The following IQSEC1 variants were observed in gnomAD, a reference collection of about 807,000 sequenced individuals.
The protein encoded by IQSEC1 is IQ motif and Sec7 domain ArfGEF 1.
Under a neutral mutation model 91.0 loss-of-function variants are expected in IQSEC1, and 31 were observed. The ratio of observed to expected loss-of-function variants is 0.34; its 90% CI spans 0.26 to 0.46. IQSEC1 has a LOEUF of 0.46. Ranked by LOEUF, IQSEC1 falls within the 20% of genes least tolerant of loss-of-function variation. IQSEC1 has a pLI of 1.00. For synonymous variants in IQSEC1, 699 were observed against 662.6 expected (o/e 1.05, Z -0.84); for missense variants, 1,388 against 1,575.6 (o/e 0.88, Z 2.02).
At chr3:13,270,058 C>T (rs1695567841) in intron 1 of IQSEC1, among the ~76,000 whole-genome samples, 2 of 152,128 alleles carry the variant, frequency 1.3e-5, no homozygotes, top group African/African-American at 4.8e-5. Flanking sequence ...TCAGCTGAGC[C>T]CACCTCCCAG....
chr3:12,968,592 C>T (rs1228770553), intron 1 of IQSEC1, among the ~76,000 whole-genome samples: 2 of 152,210 alleles, frequency 1.3e-5, no homozygotes, highest in Non-Finnish European at 2.9e-5. Flanking sequence ...GCTCTTCCTA[C>T]TATGAGCGCT....
At chr3:12,991,819 TG>T (rs1273254587) in intron 1 of IQSEC1, among the ~76,000 whole-genome samples, 1 of 151,856 alleles carries the variant, frequency 6.6e-6, no homozygotes, top group African/African-American at 2.4e-5. Context: ...CTCTGGACAA[TG>T]GGGGAAGGGA....
intron 1 of IQSEC1, among the ~76,000 whole-genome samples, chr3:13,002,380 C>A (rs1355625713): frequency 6.6e-6 from 1 of 151,828 alleles, no homozygotes; most frequent in East Asian, 1.9e-4. Context: ...CAAAAGACAC[C>A]ATCAAGAAAG....
At chr3:13,236,903 C>A (rs1259668676) in intron 1 of IQSEC1, among the ~76,000 whole-genome samples, 3 of 152,212 alleles carry the variant, frequency 2.0e-5, no homozygotes, top group East Asian at 1.9e-4. Context: ...CAAAATGCCC[C>A]CCTCCAGCCA....
At chr3:12,938,621 A>G (rs1240263274) in intron 2 of IQSEC1, among the ~76,000 whole-genome samples, 14 of 152,098 alleles carry the variant, frequency 9.2e-5, no homozygotes, top group Non-Finnish European at 8.8e-5. Flanking sequence ...TTGTGAGTGG[A>G]GCTTAGAAAG....
Position 12,935,357 on chromosome 3 carries a change from G to T in IQSEC1, c.1568+91C>A. On this transcript the variant is annotated intron_variant, in intron 3 of 13. Coordinates refer to ENST00000613206, the MANE Select transcript of IQSEC1 (RefSeq NM_001134382.3). This position sits in a 1 kb window ranked among gnomAD's most constrained non-coding sequence, Gnocchi z 8.0. ...GCTCATAGGCCACGGTGGACCTCAA[G>T]CTCCGTGCTTGGAAGGATGCAGCCA... is the stretch of plus-strand genomic sequence containing the variant. The T allele has an allele frequency of 7.7e-7, 1 of 1,305,546 alleles. No individual in the cohort carries two copies. Among genetic ancestry groups the T allele is most frequent in the Non-Finnish European group, 1.1e-6 (1 of 937,144 alleles). 80.9% of individuals were successfully genotyped at this position (1,305,546 alleles called of 1,614,324 possible).
intron 1 of IQSEC1, among the ~76,000 whole-genome samples, chr3:12,956,474 T>A (rs1220319369): frequency 2.0e-5 from 3 of 152,140 alleles, no homozygotes; most frequent in African/African-American, 7.2e-5. Flanking sequence ...AGCAAATTAA[T>A]ACCGTCGCAG....
At chr3:12,927,449 G>A (rs375188847) in intron 3 of IQSEC1, among the ~76,000 whole-genome samples, 150 of 136,782 alleles carry the variant, frequency 1.1e-3, no homozygotes, top group African/African-American at 3.7e-3. Flanking sequence ...CCCCACATAG[G>A]TGCATGCTCT....
rs377318852 is a variant in IQSEC1 at position 12,994,694 on chromosome 3, G to A, written c.24-52829C>T. ...CAGCAGGGAAGCCACTGGCCCAGAG[G>A]CGCACAGCTGCACCACGCTCCTCCG... On this transcript the variant is annotated intron_variant, in intron 1 of 13. Transcript: ENST00000613206. This position sits in a 1 kb window ranked among gnomAD's most constrained non-coding sequence, Gnocchi z 4.5. Among the ~76,000 whole-genome samples the A allele has an allele frequency of 1.3e-5, 2 of 152,330 alleles. No homozygotes were observed. The highest frequency in any genetic ancestry group is 6.5e-5 in the Admixed American group (1 of 15,302).
At chr3:13,266,086 C>T (rs1327786103) in intron 1 of IQSEC1, among the ~76,000 whole-genome samples, 1 of 151,990 alleles carries the variant, frequency 6.6e-6, no homozygotes, top group Non-Finnish European at 1.5e-5. Context: ...TGCTCCCACA[C>T]CCCCGGCACT....
intron 2 of IQSEC1, among the ~76,000 whole-genome samples, chr3:13,154,438 C>CGCACATAT (rs1553569696): frequency 4.8e-5 from 1 of 20,746 alleles, no homozygotes; most frequent in Admixed American, 6.5e-4. Context: ...AACTTACATG[C>CGCACATAT]ATATATATAT....
intron 2 of IQSEC1, among the ~76,000 whole-genome samples, chr3:13,158,522 C>T (rs1311545788): frequency 2.0e-5 from 3 of 152,186 alleles, no homozygotes; most frequent in East Asian, 1.9e-4. Flanking sequence ...CCAGGCCCAC[C>T]GTCTCCAGAA....
At position 12,901,098 on chromosome 3, in the gene IQSEC1, G is replaced by C. The variant is rs1454988908; in HGVS notation, c.3230C>G (p.Pro1077Arg). ...PAYGAHAHGH[P>R]PLPSAHVGHT... is the part of the protein sequence containing the mutation. ...CCCCACGTGGGCCGAGGGCAGCGGC[G>C]GGTGGCCGTGGGCATGGGCCCCGTA... is the stretch of plus-strand genomic sequence containing the variant. The change falls in exon 14 of 14, where the codon CCG becomes CGG. Residue 1077 changes from proline to arginine, a missense_variant. Pro to Arg is a moderately radical substitution (Grantham distance 103). Coordinates refer to ENST00000613206, the MANE Select transcript of IQSEC1 (RefSeq NM_001134382.3). The C allele has an allele frequency of 1.9e-6, 3 of 1,539,694 alleles. No homozygotes were observed. The highest frequency in any genetic ancestry group is 1.4e-5 in the African/African-American group (1 of 73,016).
rs1694259750 is a variant in IQSEC1, at chr3:12,901,279, C to T, written c.3049G>A (p.Glu1017Lys). 2.0e-6 allele frequency: 3 copies of T among 1,499,602 alleles called. No homozygotes were observed. The highest frequency in any genetic ancestry group is 1.8e-6 in the Non-Finnish European group (2 of 1,118,514). 92.9% of individuals were successfully genotyped at this position (1,499,602 alleles called of 1,614,324 possible). The change falls in exon 14 of 14, where the codon GAG (glutamate) becomes AAG (lysine). Residue 1017 changes from glutamate (E) to lysine (K), a missense_variant. By Grantham distance (56) the Glu-to-Lys change is moderately conservative. Around this residue, in one of 2 missense-constraint regions of IQSEC1, gnomAD observed 329 missense variants for 257.8 expected, o/e 1.28. Coordinates refer to ENST00000613206, the MANE Select transcript of IQSEC1 (RefSeq NM_001134382.3). The stretch of plus-strand genomic sequence containing the variant: ...TGCATGGCGGCCTGCGGCAGCCCCT[C>T]TGGGGGCCCCAGGTGGTGGCCAGCC... ...SVAGHHLGPP[E>K]GLPQAAMHGH... is the part of the protein sequence containing the mutation.
intron 1 of IQSEC1, among the ~76,000 whole-genome samples, chr3:13,054,075 G>T (rs745430554): frequency 1.3e-5 from 2 of 152,054 alleles, no homozygotes; most frequent in Admixed American, 1.3e-4. Context: ...TCCTCCCCTC[G>T]CCCCATGGAA....
rs1362813460 is a variant in IQSEC1 at position 12,900,300 on chromosome 3, A to C, written c.*683T>G. The C allele has an allele frequency of 1.0e-6, 1 of 984,740 alleles. No homozygotes were observed. Among genetic ancestry groups the C allele is most frequent in the South Asian group, 4.7e-5 (1 of 21,274 alleles). 61.0% of individuals were successfully genotyped at this position (984,740 alleles called of 1,614,324 possible). On this transcript the variant is annotated 3_prime_UTR_variant, in exon 14 of 14. Transcript: ENST00000613206. ...TTGTATGAAAATATGAAGTATCTGAATTTGTTCCTAGCATTTAGGGTTTGG... is the reference window on the plus strand; with the variant it reads ...TTGTATGAAAATATGAAGTATCTGACTTTGTTCCTAGCATTTAGGGTTTGG...
At chr3:13,010,758 C>G (rs1160100294) in intron 1 of IQSEC1, among the ~76,000 whole-genome samples, 1 of 152,200 alleles carries the variant, frequency 6.6e-6, no homozygotes, top group Non-Finnish European at 1.5e-5. Context: ...CCTGGCGGCT[C>G]CTTCATGCCT....
At chr3:13,034,219 G>A (rs1703951946) in intron 1 of IQSEC1, among the ~76,000 whole-genome samples, 1 of 152,162 alleles carries the variant, frequency 6.6e-6, no homozygotes, top group African/African-American at 2.4e-5. Flanking sequence ...AGAGTCAACT[G>A]GGCAAGTGGA....
At chr3:12,943,888 T>C (rs896879587) in intron 1 of IQSEC1, among the ~76,000 whole-genome samples, 3 of 152,218 alleles carry the variant, frequency 2.0e-5, no homozygotes, top group Non-Finnish European at 4.4e-5. Flanking sequence ...TCTTGGCACC[T>C]GCTTTCCAGC....
Sources: gnomAD v4.1 joint callset for allele counts (sites outside exome capture counted in the v4.1 genomes callset) on GRCh38, gnomAD v4.1.1 for gene constraint, gnomAD v4.1.1 regional missense constraint, Gnocchi (gnomAD v3.1) non-coding constraint, MANE v1.5 for transcripts, NCBI Gene and HGNC (gene_info 2026-07-23, HGNC 2026-07-21) for gene names.